The following NAV3 variants were observed in gnomAD, a reference collection of about 807,000 sequenced individuals.
The protein encoded by NAV3 is neuron navigator 3, also known as pore membrane and/or filament interacting like protein 1.
Under a neutral mutation model 244.7 loss-of-function variants are expected in NAV3, and 87 were observed. The observed-to-expected ratio is 0.36, with a 90% confidence interval of 0.30 to 0.42. NAV3 has a LOEUF of 0.42. NAV3 is among the 20% of genes least tolerant of loss of function. The pLI, the probability that NAV3 is intolerant of heterozygous loss-of-function variation, is 1.00. For synonymous variants in NAV3, 1,126 were observed against 1,042.2 expected (o/e 1.08, Z -1.55); for missense variants, 2,663 against 2,893.3 (o/e 0.92, Z 1.83).
At chr12:78,050,399 G>A (rs572179326) in intron 10 of NAV3, among the ~76,000 whole-genome samples, 8 of 152,130 alleles carry the variant, frequency 5.3e-5, no homozygotes, top group Non-Finnish European at 1.0e-4. Context: ...GAAAACAGTG[G>A]CACAAGTTGC....
At chr12:77,870,468 T>C (rs916717681) in intron 1 of NAV3, among the ~76,000 whole-genome samples, 2 of 152,056 alleles carry the variant, frequency 1.3e-5, no homozygotes, top group Non-Finnish European at 2.9e-5. Context: ...GATTGACGTA[T>C]CCAGAATAAA....
intron 22 of NAV3, among the ~76,000 whole-genome samples, chr12:78,149,303 G>A (rs1296306419): frequency 4.6e-5 from 7 of 152,094 alleles, no homozygotes. Flanking sequence ...TCATCTCAAT[G>A]TATTGAACAA....
chr12:78,140,915 G>A (rs1227541785), intron 20 of NAV3, among the ~76,000 whole-genome samples: 2 of 149,300 alleles, frequency 1.3e-5, no homozygotes, highest in Non-Finnish European at 3.0e-5. Context: ...TTTTTGAGTC[G>A]AGGTCTTGCT....
chr12:77,597,478 T>C (rs1870223954), intron 2 of NAV3, among the ~76,000 whole-genome samples: 1 of 152,102 alleles, frequency 6.6e-6, no homozygotes, highest in Non-Finnish European at 1.5e-5. Context: ...AAGAAAAATA[T>C]CACTATTTTA....
chr12:77,657,684 T>C (rs1873188605), intron 2 of NAV3, among the ~76,000 whole-genome samples: 1 of 152,214 alleles, frequency 6.6e-6, no homozygotes, highest in Admixed American at 6.5e-5. Context: ...ATATCCTTGA[T>C]GAACATTGAT....
intron 18 of NAV3, among the ~76,000 whole-genome samples, chr12:78,129,512 A>T (rs1239744288): frequency 6.6e-6 from 1 of 152,210 alleles, no homozygotes; most frequent in African/African-American, 2.4e-5. Context: ...TGTATTTAAC[A>T]TCATTTGTAT....
chr12:78,175,245 A>T lies in NAV3; in HGVS notation c.4982-61A>T, dbSNP rs952502299. On this transcript the variant is annotated intron_variant, in intron 24 of 39. Coordinates refer to ENST00000397909, the MANE Select transcript of NAV3 (RefSeq NM_001024383.2). ...AACTGCCTCTCAAAAGACCTAAAAG[A>T]CTTATTTGTTCAGATCGAGACTCTT... The T allele has an allele frequency of 7.0e-6, 11 of 1,572,892 alleles. No homozygotes were observed. The African/African-American group carries it at 9.5e-5, about 14-fold the overall frequency.
At chr12:77,674,731 A>G (rs551144268) in intron 2 of NAV3, among the ~76,000 whole-genome samples, 3 of 152,340 alleles carry the variant, frequency 2.0e-5, no homozygotes, top group South Asian at 4.1e-4. Flanking sequence ...TAAGTTGCAC[A>G]TGCATTTATA....
intron 2 of NAV3, among the ~76,000 whole-genome samples, chr12:77,582,608 C>A (rs1012445497): frequency 2.0e-5 from 3 of 152,176 alleles, no homozygotes; most frequent in Admixed American, 6.5e-5. Context: ...GAAAATTCAT[C>A]AACAGTCCAC....
chr12:77,599,061 C>A (rs1870302798), intron 2 of NAV3, among the ~76,000 whole-genome samples: 1 of 151,926 alleles, frequency 6.6e-6, no homozygotes, highest in African/African-American at 2.4e-5. Flanking sequence ...AACCAACATT[C>A]TACTCTCTGC....
At chr12:77,604,942 G>T (rs1870605000) in intron 2 of NAV3, among the ~76,000 whole-genome samples, 1 of 152,040 alleles carries the variant, frequency 6.6e-6, no homozygotes, top group Non-Finnish European at 1.5e-5. Context: ...AAAATGGTTT[G>T]CTTTAGACTA....
chr12:77,998,230 T>G, intron 6 of NAV3, 107 bp from the exon 7 acceptor site: 1 of 763,810 alleles, frequency 1.3e-6, no homozygotes, highest in African/African-American at 1.8e-5. Context: ...TTCTGCTAAA[T>G]AGATTTTAGA....
Position 77,831,678 on chromosome 12 carries a change from A to G in NAV3, c.217A>G (p.Lys73Glu). The change falls in exon 1 of 40, where the codon AAA becomes GAA. Residue 73 changes from lysine (K) to glutamate (E), a missense_variant. Transcript: ENST00000397909. ...TGGAGAGAAGAAACCCCTCCAAGGA[A>G]AAGCCAAGGAGAAAGAAGACAGCAA... ...EFGEKKPLQG[K>E]AKEKEDSKIY... is the part of the protein sequence containing the mutation. 6.2e-7 allele frequency: 1 copy of G among 1,610,588 alleles called. No homozygotes were observed. Among genetic ancestry groups the G allele is most frequent in the Non-Finnish European group, 8.5e-7 (1 of 1,178,954 alleles).
At chr12:77,887,036 T>C (rs1402072121) in intron 1 of NAV3, among the ~76,000 whole-genome samples, 1 of 152,164 alleles carries the variant, frequency 6.6e-6, no homozygotes, top group African/African-American at 2.4e-5. Flanking sequence ...TGTTAGTAGC[T>C]AATGATACAA....
intron 12 of NAV3, among the ~76,000 whole-genome samples, chr12:78,087,234 T>A (rs1431184954): frequency 6.6e-6 from 1 of 152,040 alleles, no homozygotes; most frequent in Non-Finnish European, 1.5e-5. Flanking sequence ...TTTGCTGAGC[T>A]GCCAAGATAC....
intron 2 of NAV3, among the ~76,000 whole-genome samples, chr12:77,659,874 C>T (rs375533629): frequency 5.3e-5 from 8 of 149,550 alleles, no homozygotes; most frequent in South Asian, 2.1e-4. Context: ...AAACCAAACA[C>T]AGCATGTTCT....
intron 2 of NAV3, among the ~76,000 whole-genome samples, chr12:77,698,933 A>G (rs1875435737): frequency 6.6e-6 from 1 of 152,084 alleles, no homozygotes; most frequent in African/African-American, 2.4e-5. Context: ...CTTGTGCACA[A>G]TTTCTTCCAA....
At chr12:77,900,420 C>T (rs1885146368) in intron 1 of NAV3, among the ~76,000 whole-genome samples, 1 of 152,134 alleles carries the variant, frequency 6.6e-6, no homozygotes, top group Admixed American at 6.5e-5. Flanking sequence ...TTAGCTCCCA[C>T]TCATAAGGAG....
chr12:77,735,368 G>C (rs955690108), intron 2 of NAV3, among the ~76,000 whole-genome samples: 2 of 152,040 alleles, frequency 1.3e-5, no homozygotes, highest in African/African-American at 4.8e-5. Context: ...TATGTGTAAA[G>C]AATATCATTA....
Sources: gnomAD v4.1 joint callset for allele counts (sites outside exome capture counted in the v4.1 genomes callset) on GRCh38, gnomAD v4.1.1 for gene constraint, MANE v1.5 for transcripts, NCBI Gene and HGNC (gene_info 2026-07-23, HGNC 2026-07-21) for gene names.